ADAM22: variants seen among roughly 807,000 people sequenced by gnomAD.
ADAM22 encodes the protein disintegrin and metalloproteinase domain-containing protein 22.
In ADAM22, 65 loss-of-function variants were observed where a neutral mutation model predicts 144.6. That is an observed-to-expected ratio of 0.45 (90% CI 0.37 to 0.55). The LOEUF is 0.55. Ranked by LOEUF, ADAM22 falls within the 20% of genes least tolerant of loss-of-function variation. The probability of loss-of-function intolerance (pLI) is 0.00; values close to 1 mark genes in which losing one functional copy is unlikely to be tolerated. For missense variants in ADAM22, 974 were observed against 1,184.9 expected (o/e 0.82, Z 2.61); for synonymous variants, 391 against 412.6 (o/e 0.95, Z 0.63).
Position 88,193,167 on chromosome 7 carries a change from C to G in ADAM22, c.2802C>G (p.Ser934=), listed in dbSNP as rs376452779. Residue 934 remains serine (S), a synonymous_variant, in exon 31 of 32, where the codon TCC becomes TCG. Coordinates refer to ENST00000413139, the MANE Select transcript of ADAM22 (RefSeq NM_001324418.2). The stretch of plus-strand genomic sequence containing the variant: ...CTTCATCAACTGGGTCTATTGCCTC[C>G]AGCAGAAAATACCCTTACCCAATGC... The part of the protein sequence containing the change: ...SPSSSTGSIA[S]SRKYPYPMPP... The G allele has an allele frequency of 2.5e-6, 4 of 1,613,974 alleles. No individual in the cohort carries two copies. The African/African-American group carries it at 5.3e-5, about 22-fold the overall frequency.
chr7:87,960,111 G>A (rs1184090753), intron 2 of ADAM22, among the ~76,000 whole-genome samples: 1 of 152,026 alleles, frequency 6.6e-6, no homozygotes, highest in Non-Finnish European at 1.5e-5. Context: ...TTCTTGCAGT[G>A]GATTCCCATA....
chr7:87,958,716 G>A (rs1304337959), intron 2 of ADAM22, among the ~76,000 whole-genome samples: 1 of 152,078 alleles, frequency 6.6e-6, no homozygotes, highest in Non-Finnish European at 1.5e-5. Flanking sequence ...TTGTGGGTAT[G>A]AGATGGTATC....
At position 88,070,552 on chromosome 7, in the gene ADAM22, T is replaced by C. The variant is rs553070230; in HGVS notation, c.324-5074T>C. ...GCACATTCAAGTTGCTTTGTTCATT[T>C]GTTTGCTTCTTATGCAAGCATCACT... is the stretch of plus-strand genomic sequence containing the variant. On this transcript the variant is annotated intron_variant, in intron 3 of 31. Transcript: ENST00000413139. Among the ~76,000 whole-genome samples the C allele has an allele frequency of 1.1e-4, 17 of 152,340 alleles. No homozygotes were observed. In the East Asian group the frequency reaches 3.3e-3, roughly 29 times the overall value.
chr7:88,043,919 C>T (rs1803817784), intron 3 of ADAM22, among the ~76,000 whole-genome samples: 1 of 152,020 alleles, frequency 6.6e-6, no homozygotes, highest in African/African-American at 2.4e-5. Context: ...TACAAGAGAT[C>T]CTAGGGAAAA....
At chr7:88,032,732 G>T (rs112479412) in intron 3 of ADAM22, among the ~76,000 whole-genome samples, 1 of 152,112 alleles carries the variant, frequency 6.6e-6, no homozygotes, top group African/African-American at 2.4e-5. Context: ...TTGGAGGTGC[G>T]GTCTGGTGGG....
chr7:88,054,431 A>G (rs1023349498), intron 3 of ADAM22, among the ~76,000 whole-genome samples: 2 of 152,034 alleles, frequency 1.3e-5, no homozygotes, highest in African/African-American at 4.8e-5. Context: ...AGCTCTGCCT[A>G]TTATGTGCCT....
At chr7:88,081,334 C>A (rs1246667712) in intron 4 of ADAM22, among the ~76,000 whole-genome samples, 1 of 151,990 alleles carries the variant, frequency 6.6e-6, no homozygotes, top group Non-Finnish European at 1.5e-5. Context: ...ATTGATGGGA[C>A]GTATCTCAAA....
chr7:88,053,632 GAAAGAA>G (rs1563114545), intron 3 of ADAM22, among the ~76,000 whole-genome samples: 1 of 111,502 alleles, frequency 9.0e-6, no homozygotes, highest in South Asian at 3.2e-4. Flanking sequence ...AAGAAAGAAA[GAAAGAA>G]AGAAAGAAAG....
chr7:88,063,344 C>T (rs1488293858), intron 3 of ADAM22, among the ~76,000 whole-genome samples: 1 of 152,022 alleles, frequency 6.6e-6, no homozygotes, highest in African/African-American at 2.4e-5. Context: ...CGTTTGAATA[C>T]TATGGTTGAA....
At chr7:88,083,191 A>T (rs564943384) in intron 4 of ADAM22, among the ~76,000 whole-genome samples, 49 of 152,292 alleles carry the variant, frequency 3.2e-4, no homozygotes, top group African/African-American at 1.1e-3. Context: ...CTTTGTAGGG[A>T]CATGGATGAA....
chr7:88,050,119 C>A (rs1305545948), intron 3 of ADAM22, among the ~76,000 whole-genome samples: 1 of 150,402 alleles, frequency 6.6e-6, no homozygotes, highest in African/African-American at 2.5e-5. Flanking sequence ...TGTAGTGGCT[C>A]ACACATGTAA....
intron 2 of ADAM22, 84 bp downstream of exon 2, chr7:87,935,270 T>G: frequency 7.1e-7 from 1 of 1,405,654 alleles, no homozygotes; most frequent in Non-Finnish European, 9.4e-7. Flanking sequence ...GCCCTGGAGA[T>G]CCCATGTCTT....
chr7:87,960,659 G>A (rs1266918249), intron 2 of ADAM22, among the ~76,000 whole-genome samples: 1 of 152,100 alleles, frequency 6.6e-6, no homozygotes, highest in African/African-American at 2.4e-5. Flanking sequence ...AATAATGAGG[G>A]AACTGAGGGG....
intron 4 of ADAM22, among the ~76,000 whole-genome samples, chr7:88,088,914 C>T (rs570040454): frequency 2.6e-4 from 39 of 150,384 alleles, no homozygotes; most frequent in Non-Finnish European, 4.1e-4. Flanking sequence ...AGTTTATATA[C>T]GATATAGGTT....
At chr7:88,107,444 AC>A (rs1450960485) in intron 4 of ADAM22, among the ~76,000 whole-genome samples, 1 of 151,840 alleles carries the variant, frequency 6.6e-6, no homozygotes, top group Non-Finnish European at 1.5e-5. Flanking sequence ...CAAGGGATCC[AC>A]CCACCTCAGT....
At chr7:88,102,181 T>C (rs574256902) in intron 4 of ADAM22, among the ~76,000 whole-genome samples, 17 of 152,206 alleles carry the variant, frequency 1.1e-4, no homozygotes, top group Non-Finnish European at 2.2e-4. Context: ...CTGTATCCTT[T>C]GCATGGGGAC....
At chr7:87,974,100 A>T (rs1051699484) in intron 2 of ADAM22, among the ~76,000 whole-genome samples, 32 of 142,136 alleles carry the variant, frequency 2.3e-4, no homozygotes, top group Admixed American at 1.5e-3. Context: ...TAATAAAATT[A>T]AAAAAAAAAA....
chr7:88,034,911 G>T (rs537509451), intron 3 of ADAM22, among the ~76,000 whole-genome samples: 1 of 152,162 alleles, frequency 6.6e-6, no homozygotes, highest in Non-Finnish European at 1.5e-5. Context: ...GGTTGCTGTT[G>T]GCAATTGAAG....
chr7:88,020,776 A>G (rs536725976), intron 3 of ADAM22, among the ~76,000 whole-genome samples: 9 of 152,182 alleles, frequency 5.9e-5, no homozygotes, highest in Non-Finnish European at 1.3e-4. Flanking sequence ...ATGTAATTCA[A>G]AATAGGATTA....
Sources: gnomAD v4.1 joint callset for allele counts (sites outside exome capture counted in the v4.1 genomes callset) on GRCh38, gnomAD v4.1.1 for gene constraint, MANE v1.5 for transcripts, NCBI Gene and HGNC (gene_info 2026-07-23, HGNC 2026-07-21) for gene names.